Variants in DAAM1 observed in about 807,000 individuals in gnomAD.
The protein encoded by DAAM1 is disheveled-associated activator of morphogenesis 1.
A neutral mutation model predicts 130.0 loss-of-function variants in DAAM1; 52 were observed. The observed-to-expected ratio is 0.40, with a 90% CI of 0.32 to 0.50. The LOEUF is 0.50. Ranked by LOEUF, DAAM1 falls within the 20% of genes least tolerant of loss-of-function variation. The pLI, the probability that DAAM1 is intolerant of heterozygous loss-of-function variation, is 0.61. For missense variants in DAAM1, 1,134 were observed against 1,303.8 expected (o/e 0.87, Z 2.01); for synonymous variants, 452 against 444.5 (o/e 1.02, Z -0.21).
chr14:59,337,709 T>C (rs1885681242), intron 15 of DAAM1, among the ~76,000 whole-genome samples: 1 of 152,206 alleles, frequency 6.6e-6, no homozygotes, highest in African/African-American at 2.4e-5. Flanking sequence ...CTGGGGCAGT[T>C]AGGACAGGGC....
At position 59,284,440 on chromosome 14, in the gene DAAM1, T is replaced by C. The variant is rs149747511; in HGVS notation, c.184-6777T>C. ...GGACTTTTAAAATATTCCTTGGAGA[T>C]CTAAATCTTACTGTGTTTAATTTAC... is the stretch of plus-strand genomic sequence containing the variant. On this transcript the variant is annotated intron_variant, in intron 2 of 24. Coordinates refer to ENST00000360909, the MANE Select transcript of DAAM1 (RefSeq NM_001270520.2). Among the ~76,000 whole-genome samples, 5 of 152,256 alleles carry C rather than the reference T, an allele frequency of 3.3e-5. No individual in the cohort carries two copies. The East Asian group carries it at 9.6e-4, about 29-fold the overall frequency.
At chr14:59,203,739 T>C (rs1395219528) in intron 1 of DAAM1, among the ~76,000 whole-genome samples, 2 of 152,258 alleles carry the variant, frequency 1.3e-5, no homozygotes, top group Admixed American at 1.3e-4. Flanking sequence ...ACTTTATACC[T>C]GCTGTGATGA....
At chr14:59,291,395 T>G (rs1883735150) in intron 3 of DAAM1, 89 bp downstream of exon 3, 2 of 1,044,882 alleles carry the variant, frequency 1.9e-6, no homozygotes, top group Admixed American at 5.1e-5. Flanking sequence ...TGGACAGCTC[T>G]TTGTAATATG....
chr14:59,311,812 C>T (rs1166752597), intron 3 of DAAM1, among the ~76,000 whole-genome samples: 1 of 152,190 alleles, frequency 6.6e-6, no homozygotes, highest in Non-Finnish European at 1.5e-5. Flanking sequence ...CCTCAGCCTC[C>T]TGAGTAGCTA....
Position 59,326,523 on chromosome 14 carries a change from C to A in DAAM1, c.1188C>A (p.Gly396=). 1.3e-6 allele frequency: 2 copies of A among 1,594,560 alleles called. No homozygotes were observed. The highest frequency in any genetic ancestry group is 8.5e-7 in the Non-Finnish European group (1 of 1,171,544). The change falls in exon 11 of 25, where the codon GGC becomes GGA. Residue 396 remains glycine (G), a synonymous_variant. Coordinates refer to ENST00000360909, the MANE Select transcript of DAAM1 (RefSeq NM_001270520.2). ...TTTCTTTTTTAGACAAGAGGAGTGG[C>A]AACACTGTTCAGTACTGGCTACTAC... ...HCLQMPYKRS[G]NTVQYWLLLD...
chr14:59,242,678 C>T (rs1881183087), intron 1 of DAAM1, among the ~76,000 whole-genome samples: 1 of 152,142 alleles, frequency 6.6e-6, no homozygotes, highest in African/African-American at 2.4e-5. Flanking sequence ...CCTGCCTAAG[C>T]CTCCTGAGTA....
intron 2 of DAAM1, among the ~76,000 whole-genome samples, chr14:59,272,872 T>C (rs1434719466): frequency 1.3e-5 from 2 of 152,270 alleles, no homozygotes; most frequent in East Asian, 3.9e-4. Context: ...ATACAGTCAA[T>C]TTAAAGGTGA....
chr14:59,351,226 C>G (rs1266818987), intron 17 of DAAM1, among the ~76,000 whole-genome samples: 1 of 152,150 alleles, frequency 6.6e-6, no homozygotes, highest in Non-Finnish European at 1.5e-5. Context: ...TAGAATCTGT[C>G]CACTAGCTCC....
At chr14:59,365,173 T>TGG in intron 23 of DAAM1, among the ~76,000 whole-genome samples, 1 of 152,284 alleles carries the variant, frequency 6.6e-6, no homozygotes, top group East Asian at 1.9e-4. Flanking sequence ...GCACACTGAC[T>TGG]GGGGTGTGTG....
At chr14:59,308,951 T>C (rs1326073753) in intron 3 of DAAM1, among the ~76,000 whole-genome samples, 5 of 152,188 alleles carry the variant, frequency 3.3e-5, no homozygotes, top group Non-Finnish European at 7.4e-5. Context: ...TATATAATTG[T>C]GGCAGTGGCC....
At chr14:59,291,192 C>T (rs770676880) in intron 2 of DAAM1, 25 bp from the exon 3 acceptor site, 1 of 1,577,566 alleles carries the variant, frequency 6.3e-7, no homozygotes, top group East Asian at 2.3e-5. Flanking sequence ...TCCTATGAAA[C>T]ACTAATTATT....
Position 59,228,220 on chromosome 14 carries a change from C to G in DAAM1, c.-37-35221C>G, listed in dbSNP as rs1186035333. Reference sequence around the variant, plus strand: ...CACAGTGTCAACATTCTGTCATTCTCTATTCATCTTTCTTTATGGAAAAAA... The same window carrying G: ...CACAGTGTCAACATTCTGTCATTCTGTATTCATCTTTCTTTATGGAAAAAA... On this transcript the variant is annotated intron_variant, in intron 1 of 24. Transcript: ENST00000360909. Among the ~76,000 whole-genome samples, 3 of 152,174 alleles carry G rather than the reference C, an allele frequency of 2.0e-5. No individual in the cohort carries two copies. The South Asian group carries it at 6.2e-4, about 32-fold the overall frequency.
chr14:59,256,532 A>G lies in DAAM1; in HGVS notation c.-37-6909A>G, dbSNP rs1881894125. Among the ~76,000 whole-genome samples, 3 of 152,286 alleles carry G rather than the reference A, an allele frequency of 2.0e-5. No homozygotes were observed. In the South Asian group the frequency reaches 6.2e-4, roughly 32 times the overall value. On this transcript the variant is annotated intron_variant, in intron 1 of 24. Transcript: ENST00000360909. ...TATAGCATAGCACTAGTCATCTGTA[A>G]TGTTATAGATGGATTGCAGTTTGGA... is the stretch of plus-strand genomic sequence containing the variant.
intron 23 of DAAM1, among the ~76,000 whole-genome samples, chr14:59,366,143 C>A (rs1476081944): frequency 7.1e-6 from 1 of 141,186 alleles, no homozygotes; most frequent in Non-Finnish European, 1.5e-5. Context: ...CCCAGCTACT[C>A]AGGAGGCTGT....
At chr14:59,218,123 A>G (rs1008136845) in intron 1 of DAAM1, among the ~76,000 whole-genome samples, 22 of 152,040 alleles carry the variant, frequency 1.4e-4, no homozygotes, top group African/African-American at 4.6e-4. Flanking sequence ...ACAGAGGAAG[A>G]TCTCATCTCC....
chr14:59,331,517 T>C lies in DAAM1; in HGVS notation c.1860+9T>C. 6.4e-7 allele frequency: 1 copy of C among 1,569,044 alleles called. No individual in the cohort carries two copies. Among genetic ancestry groups the C allele is most frequent in the South Asian group, 1.2e-5 (1 of 85,730 alleles). On this transcript the variant is annotated intron_variant, in intron 14 of 24. Transcript: ENST00000360909. ...GGTCTAAACTGCCCGAGGTGAGCCA[T>C]TTGTTCCAGTTTTCCCTTTAATGGA...
intron 4 of DAAM1, among the ~76,000 whole-genome samples, chr14:59,318,346 G>A (rs550460528): frequency 4.6e-5 from 7 of 151,532 alleles, no homozygotes; most frequent in African/African-American, 7.3e-5. Context: ...TCAGACCCGC[G>A]TGTTCCAATG....
At chr14:59,311,732 A>G (rs1884604648) in intron 3 of DAAM1, among the ~76,000 whole-genome samples, 1 of 152,048 alleles carries the variant, frequency 6.6e-6, no homozygotes, top group Non-Finnish European at 1.5e-5. Flanking sequence ...TCTTTTCTTT[A>G]TTGTTTGTGA....
chr14:59,312,049 C>G (rs1884619276), intron 3 of DAAM1, among the ~76,000 whole-genome samples: 1 of 152,052 alleles, frequency 6.6e-6, no homozygotes, highest in African/African-American at 2.4e-5. Flanking sequence ...TCAAACAGTG[C>G]TATAGTGAAA....
Sources: gnomAD v4.1 joint callset for allele counts (sites outside exome capture counted in the v4.1 genomes callset) on GRCh38, gnomAD v4.1.1 for gene constraint, MANE v1.5 for transcripts, NCBI Gene and HGNC (gene_info 2026-07-23, HGNC 2026-07-21) for gene names.